UST: variants seen among roughly 807,000 people sequenced by gnomAD.
UST encodes the protein chondroitin sulfate 2-O-sulfotransferase.
A neutral mutation model predicts 45.6 loss-of-function variants in UST; 21 were observed. The ratio of observed to expected loss-of-function variants is 0.46; its 90% CI spans 0.33 to 0.66. The LOEUF is 0.66. Among genes scored for constraint, UST ranks in the 30% least tolerant of loss-of-function variants. UST has a pLI of 0.02. For synonymous variants in UST, 215 were observed against 200.6 expected (o/e 1.07, Z -0.61); for missense variants, 463 against 512.4 (o/e 0.90, Z 0.93).
chr6:148,898,158 G>C (rs1486439834), intron 2 of UST, among the ~76,000 whole-genome samples: 1 of 152,206 alleles, frequency 6.6e-6, no homozygotes, highest in Non-Finnish European at 1.5e-5. Context: ...GAATGAGGCT[G>C]GGAGTTAGGA....
intron 7 of UST, among the ~76,000 whole-genome samples, chr6:149,053,305 TG>T (rs1381307066): frequency 2.6e-5 from 4 of 152,214 alleles, no homozygotes; most frequent in African/African-American, 9.6e-5. Flanking sequence ...AATAGTAATT[TG>T]GTCTTGTTAG....
chr6:149,070,368 A>G (rs1451999350), intron 7 of UST, among the ~76,000 whole-genome samples: 1 of 152,234 alleles, frequency 6.6e-6, no homozygotes, highest in East Asian at 1.9e-4. Context: ...GAAGACAGAT[A>G]TTATAAAATG....
At chr6:148,963,497 TG>T (rs1780713210) in intron 4 of UST, among the ~76,000 whole-genome samples, 1 of 152,238 alleles carries the variant, frequency 6.6e-6, no homozygotes, top group Non-Finnish European at 1.5e-5. Flanking sequence ...ACCTTGTTCT[TG>T]GGCCAAGATT....
chr6:148,976,727 T>C (rs1288007240), intron 5 of UST, among the ~76,000 whole-genome samples: 2 of 152,246 alleles, frequency 1.3e-5, no homozygotes, highest in Non-Finnish European at 2.9e-5. Flanking sequence ...GCTAACATTC[T>C]GATCTCTAGA....
At chr6:148,829,202 G>A (rs976641742) in intron 1 of UST, among the ~76,000 whole-genome samples, 3 of 151,860 alleles carry the variant, frequency 2.0e-5, no homozygotes, top group East Asian at 1.9e-4. Context: ...TTTTAGTGAC[G>A]TTTAAGATTA....
rs1779979967 is a variant in UST at position 148,934,372 on chromosome 6, T to C, written c.292-6907T>C. 6.6e-6 allele frequency among the ~76,000 whole-genome samples: 1 copy of C among 152,234 alleles called. No individual in the cohort carries two copies. Among genetic ancestry groups the C allele is most frequent in the Non-Finnish European group, 1.5e-5 (1 of 68,042 alleles). Reference sequence around the variant, plus strand: ...TGAAAAATCATGAACTGCAGTTTTATTCGTCAAGCAAAGTCATTTCACAGT... The same window carrying C: ...TGAAAAATCATGAACTGCAGTTTTACTCGTCAAGCAAAGTCATTTCACAGT... On this transcript the variant is annotated intron_variant, in intron 2 of 7. Transcript: ENST00000367463. This position sits in a 1 kb window ranked among gnomAD's most constrained non-coding sequence, Gnocchi z 4.1.
At chr6:148,953,352 A>C (rs929414232) in intron 3 of UST, among the ~76,000 whole-genome samples, 2 of 152,212 alleles carry the variant, frequency 1.3e-5, no homozygotes, top group African/African-American at 4.8e-5. Context: ...CGTTGCTTTC[A>C]TGGTAACAAT....
intron 1 of UST, among the ~76,000 whole-genome samples, chr6:148,805,685 G>A (rs1172013923): frequency 2.0e-5 from 3 of 152,108 alleles, no homozygotes; most frequent in Non-Finnish European, 2.9e-5. Context: ...TTCAGAATAC[G>A]GGCTTTAAAG....
chr6:148,965,878 T>A, intron 5 of UST, among the ~76,000 whole-genome samples: 1 of 31,218 alleles, frequency 3.2e-5, no homozygotes. Flanking sequence ...GCTTTTCCCT[T>A]TTTTTTTTTT....
chr6:149,062,469 A>G (rs747220154), intron 7 of UST, among the ~76,000 whole-genome samples: 7 of 152,226 alleles, frequency 4.6e-5, no homozygotes, highest in Non-Finnish European at 7.3e-5. Context: ...GGAGCTGGAC[A>G]CTGGGGAACT....
chr6:148,789,519 A>G (rs1776799770), intron 1 of UST, among the ~76,000 whole-genome samples: 1 of 151,658 alleles, frequency 6.6e-6, no homozygotes, highest in Admixed American at 6.6e-5. Flanking sequence ...AATGTTTTTG[A>G]TCATTGAATT....
At chr6:148,970,648 T>C (rs1582934498) in intron 5 of UST, among the ~76,000 whole-genome samples, 1 of 152,144 alleles carries the variant, frequency 6.6e-6, no homozygotes, top group East Asian at 1.9e-4. Context: ...GGGAAGCACA[T>C]GAACCACAGC....
chr6:148,865,090 G>T (rs143982859), intron 1 of UST, among the ~76,000 whole-genome samples: 1 of 152,204 alleles, frequency 6.6e-6, no homozygotes, highest in Non-Finnish European at 1.5e-5. Context: ...AGTTCATTTG[G>T]TCTGTACTGC....
chr6:148,871,073 T>C (rs1778541112), intron 1 of UST, among the ~76,000 whole-genome samples: 2 of 143,908 alleles, frequency 1.4e-5, no homozygotes, highest in South Asian at 2.2e-4. Context: ...CATGATGGGA[T>C]TGGGGGCCTT....
intron 5 of UST, among the ~76,000 whole-genome samples, chr6:148,996,742 C>G (rs1344369367): frequency 6.6e-6 from 1 of 152,142 alleles, no homozygotes; most frequent in Non-Finnish European, 1.5e-5. Flanking sequence ...AGTAGTTCTT[C>G]ATTTCAGTAC....
At chr6:148,842,335 G>C (rs1343395834) in intron 1 of UST, among the ~76,000 whole-genome samples, 1 of 152,170 alleles carries the variant, frequency 6.6e-6, no homozygotes, top group Non-Finnish European at 1.5e-5. Context: ...TGTTTTGAGG[G>C]AGAGTCAGAT....
chr6:149,017,412 A>G (rs891905927), intron 5 of UST, among the ~76,000 whole-genome samples: 13 of 152,048 alleles, frequency 8.5e-5, no homozygotes, highest in Non-Finnish European at 1.8e-4. Context: ...CGTACATTGT[A>G]ATAAAAGCTA....
At chr6:148,796,252 A>G (rs1000702106) in intron 1 of UST, among the ~76,000 whole-genome samples, 2 of 152,246 alleles carry the variant, frequency 1.3e-5, no homozygotes, top group African/African-American at 4.8e-5. Context: ...ATTTCTTGAT[A>G]ATTGTATATA....
At chr6:149,061,512 G>A (rs569914802) in intron 7 of UST, among the ~76,000 whole-genome samples, 1 of 150,522 alleles carries the variant, frequency 6.6e-6, no homozygotes, top group Admixed American at 6.6e-5. Flanking sequence ...GGTTACTGGC[G>A]AGTGATATTT....
Sources: gnomAD v4.1 joint callset for allele counts (sites outside exome capture counted in the v4.1 genomes callset) on GRCh38, gnomAD v4.1.1 for gene constraint, Gnocchi (gnomAD v3.1) non-coding constraint, MANE v1.5 for transcripts, NCBI Gene and HGNC (gene_info 2026-07-23, HGNC 2026-07-21) for gene names.